DHX38: variants seen among roughly 807,000 people sequenced by gnomAD.
The protein encoded by DHX38 is DEAH-box helicase 38, also known as pre-mRNA-splicing factor ATP-dependent RNA helicase PRP16.
Under a neutral mutation model 153.1 loss-of-function variants are expected in DHX38, and 100 were observed. The observed-to-expected ratio is 0.65, with a 90% CI of 0.56 to 0.77. The LOEUF is 0.77. Ranked by LOEUF, DHX38 falls within the 30% of genes least tolerant of loss-of-function variation. The pLI, the probability that DHX38 is intolerant of heterozygous loss-of-function variation, is 0.00. For missense variants in DHX38, 1,440 were observed against 1,654.0 expected (o/e 0.87, Z 2.24); for synonymous variants, 650 against 631.7 (o/e 1.03, Z -0.43).
At position 72,108,595 on chromosome 16, in the gene DHX38, A is replaced by G; in HGVS notation, c.3243A>G (p.Ala1081=). 1 of 1,613,904 alleles carries G rather than the reference A, an allele frequency of 6.2e-7. No homozygotes were observed. Among genetic ancestry groups the G allele is most frequent in the Non-Finnish European group, 8.5e-7 (1 of 1,179,892 alleles). The change falls in exon 23 of 27, where the codon GCA becomes GCG. Residue 1081 remains alanine, a synonymous_variant. Transcript: ENST00000268482. ...KCICAAYFHQ[A]AKLKGIGEYV... Reference sequence around the variant, plus strand: ...TCTGTGCTGCCTATTTCCACCAAGCAGCCAAGCTCAAGGTGAACCCAGGAG... The same window carrying G: ...TCTGTGCTGCCTATTTCCACCAAGCGGCCAAGCTCAAGGTGAACCCAGGAG...
intron 19 of DHX38, among the ~76,000 whole-genome samples, chr16:72,106,562 C>A (rs1377870113): frequency 1.3e-5 from 2 of 152,084 alleles, no homozygotes; most frequent in East Asian, 3.9e-4. Context: ...GAACCTCCCA[C>A]CTCAGACTCC....
At position 72,099,297 on chromosome 16, in the gene DHX38, C is replaced by T; in HGVS notation, c.960+17C>T. 3 of 1,591,512 alleles carry T rather than the reference C, an allele frequency of 1.9e-6. No homozygotes were observed. Among genetic ancestry groups the T allele is most frequent in the Non-Finnish European group, 2.6e-6 (3 of 1,169,258 alleles). On this transcript the variant is annotated intron_variant, in intron 7 of 26. Coordinates refer to ENST00000268482, the MANE Select transcript of DHX38 (RefSeq NM_014003.4). ...GACCAGAGGGTAAAGTTTTATACCT[C>T]TGAGGGGCTGATCGGGGCTGGTGGC...
intron 1 of DHX38, among the ~76,000 whole-genome samples, chr16:72,095,689 A>G (rs1311438745): frequency 1.3e-5 from 2 of 152,242 alleles, no homozygotes; most frequent in Non-Finnish European, 2.9e-5. Context: ...AATTATGGCT[A>G]AACAAAGATT....
At chr16:72,102,109 G>A (rs1353283900) in intron 11 of DHX38, among the ~76,000 whole-genome samples, 1 of 152,230 alleles carries the variant, frequency 6.6e-6, no homozygotes, top group Non-Finnish European at 1.5e-5. Flanking sequence ...AGCAGATGCT[G>A]AGTTGGGATT....
rs749557847 is a variant in DHX38, at chr16:72,101,562, GGAGGAA to G, written c.1453_1458del (p.Glu485_Glu486del). ...TGGGAGATATAATGGGCGTCAAGAA[GGAGGAA>G]GAGCCAGATAAAGCTGTGACGGAGG... On this transcript the variant is annotated inframe_deletion, in exon 11 of 27. Transcript: ENST00000268482. 1.9e-6 allele frequency: 3 copies of G among 1,552,016 alleles called. No homozygotes were observed. The highest frequency in any genetic ancestry group is 2.6e-6 in the Non-Finnish European group (3 of 1,147,244).
chr16:72,094,422 G>A (rs1459371538), intron 1 of DHX38: 4 of 152,230 alleles, frequency 2.6e-5, no homozygotes, highest in Non-Finnish European at 5.9e-5. Flanking sequence ...GCAATCTGGT[G>A]GGCGATCTCT....
intron 13 of DHX38, 36 bp from the exon 14 acceptor site, chr16:72,103,910 T>C (rs1397173614): frequency 1.9e-6 from 3 of 1,610,112 alleles, no homozygotes; most frequent in South Asian, 1.1e-5. Context: ...GGTGAGCCGG[T>C]GGCCAGGGCA....
In DHX38 at chr16:72,105,430, G is replaced by A. The variant is rs1464633845; in HGVS notation, c.2379+82G>A. 34 of 1,597,586 alleles carry A rather than the reference G, an allele frequency of 2.1e-5. 1 individual carries two copies. The highest frequency in any genetic ancestry group is 2.7e-5 in the Non-Finnish European group (32 of 1,165,486). On this transcript the variant is annotated intron_variant, in intron 17 of 26. Coordinates refer to ENST00000268482, the MANE Select transcript of DHX38 (RefSeq NM_014003.4). ...GGGGATGTGACTGTCCTGGCAGGGG[G>A]TGGGCTAGGAGGTAGGCTTTTCCCC... is the stretch of plus-strand genomic sequence containing the variant.
intron 25 of DHX38, 139 bp downstream of exon 25, chr16:72,109,649 G>A: frequency 1.3e-6 from 1 of 789,400 alleles, no homozygotes; most frequent in Non-Finnish European, 1.9e-6. Context: ...AGCAGGCTGG[G>A]TCTGTCTGAT....
Sources: allele counts gnomAD v4.1 joint callset (sites outside exome capture counted in the v4.1 genomes callset), GRCh38; gene constraint gnomAD v4.1.1; transcripts MANE v1.5; gene names NCBI Gene and HGNC (gene_info 2026-07-23, HGNC 2026-07-21).